The following VPS13B variants were observed in gnomAD, a reference collection of about 807,000 sequenced individuals.
VPS13B encodes the protein intermembrane lipid transfer protein VPS13B.
A neutral mutation model predicts 426.4 loss-of-function variants in VPS13B; 285 were observed. The ratio of observed to expected loss-of-function variants is 0.67; its 90% CI spans 0.61 to 0.74. The LOEUF (loss-of-function observed/expected upper bound fraction) is 0.74, where lower values mean the gene tolerates loss of function less well. VPS13B is among the 30% of genes least tolerant of loss of function. VPS13B has a pLI of 0.00. For missense variants in VPS13B, 4,537 were observed against 4,782.6 expected (o/e 0.95, Z 1.51); for synonymous variants, 1,676 against 1,676.4 (o/e 1.00, Z 0.01).
chr8:99,039,852 G>T (rs1482853305), intron 3 of VPS13B, among the ~76,000 whole-genome samples: 2 of 151,992 alleles, frequency 1.3e-5, no homozygotes, highest in Admixed American at 1.3e-4. Context: ...GTTTCTAGAA[G>T]TTAATAGACC....
chr8:99,454,249 A>T (rs748161011), intron 23 of VPS13B, among the ~76,000 whole-genome samples: 5 of 152,064 alleles, frequency 3.3e-5, no homozygotes, highest in African/African-American at 4.8e-5. Flanking sequence ...TAGTGGCACA[A>T]TCATAGCTCA....
Position 99,274,274 on chromosome 8 carries a change from A to G in VPS13B, c.2592A>G (p.Ser864=). The G allele has an allele frequency of 1.9e-6, 3 of 1,614,156 alleles. No individual in the cohort carries two copies. The highest frequency in any genetic ancestry group is 1.3e-5 in the African/African-American group (1 of 75,044). ...TTGAATTGAAGTACTGCAGCACATCATTGGTCAAATGTGCCTCTGGGACCA... is the reference window on the plus strand; with the variant it reads ...TTGAATTGAAGTACTGCAGCACATCGTTGGTCAAATGTGCCTCTGGGACCA... The part of the protein sequence containing the change: ...QNVELKYCST[S]LVKCASGTMG... The change falls in exon 18 of 62, where the codon TCA becomes TCG. Residue 864 remains serine, a synonymous_variant. Coordinates refer to ENST00000357162, the MANE Select transcript of VPS13B (RefSeq NM_152564.5).
chr8:99,032,108 C>T (rs565146936), intron 2 of VPS13B, among the ~76,000 whole-genome samples: 41 of 152,322 alleles, frequency 2.7e-4, no homozygotes, highest in Admixed American at 1.3e-3. Flanking sequence ...TAACTTTTCT[C>T]GTCAATAGGG....
intron 21 of VPS13B, among the ~76,000 whole-genome samples, chr8:99,420,139 G>A (rs1816289101): frequency 6.6e-6 from 1 of 152,064 alleles, no homozygotes; most frequent in Admixed American, 6.6e-5. Context: ...GAACAGAAAG[G>A]GCTTAATTCT....
intron 33 of VPS13B, among the ~76,000 whole-genome samples, chr8:99,604,792 C>T (rs889272157): frequency 2.6e-4 from 40 of 151,996 alleles, no homozygotes; most frequent in African/African-American, 9.2e-4. Context: ...ATGAGCTTGA[C>T]GGTTTTTAGC....
At chr8:99,477,720 T>C (rs2058916513) in intron 24 of VPS13B, among the ~76,000 whole-genome samples, 1 of 152,216 alleles carries the variant, frequency 6.6e-6, no homozygotes, top group Admixed American at 6.5e-5. Context: ...GTATGTAAGG[T>C]AGGCTGAGAG....
At chr8:99,321,308 C>G (rs1239109114) in intron 19 of VPS13B, among the ~76,000 whole-genome samples, 1 of 149,806 alleles carries the variant, frequency 6.7e-6, no homozygotes, top group African/African-American at 2.5e-5. Context: ...CTCCCAGGCT[C>G]AAGTTATTCT....
intron 19 of VPS13B, among the ~76,000 whole-genome samples, chr8:99,375,990 C>T (rs1813465115): frequency 1.3e-5 from 2 of 152,160 alleles, no homozygotes; most frequent in African/African-American, 2.4e-5. Flanking sequence ...TAATACTGTG[C>T]ATCTTCGGTC....
rs561519855 is a variant in VPS13B, at chr8:99,210,267, A to G, written c.2515+17210A>G. Among the ~76,000 whole-genome samples the G allele has an allele frequency of 7.9e-5, 12 of 152,260 alleles. No homozygotes were observed. The South Asian group carries it at 2.5e-3, about 32-fold the overall frequency. ...AGGAAATTTCCAAGGCAGAGCAGCT[A>G]ATTTTACCCTGGATATTCTCAGCAC... is the stretch of plus-strand genomic sequence containing the variant. On this transcript the variant is annotated intron_variant, in intron 17 of 61. Coordinates refer to ENST00000357162, the MANE Select transcript of VPS13B (RefSeq NM_152564.5).
intron 33 of VPS13B, among the ~76,000 whole-genome samples, chr8:99,638,335 G>T (rs909732003): frequency 2.8e-4 from 42 of 152,070 alleles, no homozygotes; most frequent in Admixed American, 5.2e-4. Flanking sequence ...GGAGATAGTA[G>T]TACTCCTCCT....
intron 20 of VPS13B, chr8:99,389,811 T>C (rs537292549): frequency 6.6e-6 from 1 of 152,194 alleles, no homozygotes; most frequent in South Asian, 2.1e-4. Flanking sequence ...CTTTTTAGAG[T>C]TTGGATTGTA....
chr8:99,559,198 T>A (rs553209350), intron 31 of VPS13B, among the ~76,000 whole-genome samples: 5 of 152,380 alleles, frequency 3.3e-5, no homozygotes, highest in East Asian at 3.9e-4. Context: ...GCTGCATAAA[T>A]GTCTTCTTTT....
chr8:99,659,980 T>C (rs1359521821), intron 34 of VPS13B, among the ~76,000 whole-genome samples: 1 of 152,192 alleles, frequency 6.6e-6, no homozygotes, highest in African/African-American at 2.4e-5. Context: ...TTGTAGATCC[T>C]ACCAGCAACA....
At chr8:99,518,491 T>G (rs1822207283) in intron 29 of VPS13B, among the ~76,000 whole-genome samples, 1 of 152,184 alleles carries the variant, frequency 6.6e-6, no homozygotes, top group Non-Finnish European at 1.5e-5. Flanking sequence ...GATGTAAAAA[T>G]ACTGTCTTTA....
chr8:99,815,479 GT>G (rs2130804660), intron 44 of VPS13B, among the ~76,000 whole-genome samples: 1 of 152,196 alleles, frequency 6.6e-6, no homozygotes, highest in South Asian at 2.1e-4. Context: ...CCCACCCATG[GT>G]GGGGAAGACA....
At chr8:99,712,909 G>A (rs183778221) in intron 36 of VPS13B, among the ~76,000 whole-genome samples, 42 of 151,964 alleles carry the variant, frequency 2.8e-4, no homozygotes, top group Admixed American at 2.8e-3. Flanking sequence ...TATAACGTTG[G>A]GGGGGTTAAG....
intron 15 of VPS13B, among the ~76,000 whole-genome samples, chr8:99,164,202 T>C (rs1419151678): frequency 6.6e-6 from 1 of 152,076 alleles, no homozygotes; most frequent in Non-Finnish European, 1.5e-5. Flanking sequence ...ATGGTCTCGA[T>C]TCTAGAGGAA....
intron 30 of VPS13B, among the ~76,000 whole-genome samples, chr8:99,541,175 A>G (rs1823595675): frequency 6.6e-6 from 1 of 152,184 alleles, no homozygotes; most frequent in Admixed American, 6.5e-5. Context: ...TCTGGTATCA[A>G]TTAAAACTTA....
At chr8:99,290,407 A>G (rs985095347) in intron 19 of VPS13B, among the ~76,000 whole-genome samples, 1 of 152,110 alleles carries the variant, frequency 6.6e-6, no homozygotes, top group African/African-American at 2.4e-5. Context: ...ACGCAAGAAC[A>G]AAAAACCAAA....
Sources: allele counts gnomAD v4.1 joint callset (sites outside exome capture counted in the v4.1 genomes callset), GRCh38; gene constraint gnomAD v4.1.1; transcripts MANE v1.5; gene names NCBI Gene and HGNC (gene_info 2026-07-23, HGNC 2026-07-21).